ERCC3: variants seen among roughly 807,000 people sequenced by gnomAD.
ERCC3 encodes general transcription and DNA repair factor IIH helicase/translocase subunit XPB.
Under a neutral mutation model 94.2 loss-of-function variants are expected in ERCC3, and 66 were observed. That is an observed-to-expected ratio of 0.70 (90% CI 0.57 to 0.86). The LOEUF is 0.86. ERCC3 is among the 40% of genes least tolerant of loss of function. The pLI, the probability that ERCC3 is intolerant of heterozygous loss-of-function variation, is 0.00. For missense variants in ERCC3, 829 were observed against 987.1 expected (o/e 0.84, Z 2.15); for synonymous variants, 349 against 369.1 (o/e 0.95, Z 0.63).
chr2:127,287,331 T>C (rs932166037), intron 7 of ERCC3, among the ~76,000 whole-genome samples: 2 of 152,048 alleles, frequency 1.3e-5, no homozygotes, highest in African/African-American at 2.4e-5. Flanking sequence ...ATTTTAAAGA[T>C]AGAAAAACCT....
Position 127,271,983 on chromosome 2 carries a change from C to A in ERCC3, c.1828-530G>T, listed in dbSNP as rs139855350. 2.7e-5 allele frequency among the ~76,000 whole-genome samples: 4 copies of A among 150,668 alleles called. No homozygotes were observed. In the East Asian group the frequency reaches 7.8e-4, roughly 29 times the overall value. On this transcript the variant is annotated intron_variant, in intron 11 of 14. Coordinates refer to ENST00000285398, the MANE Select transcript of ERCC3 (RefSeq NM_000122.2). The surrounding 1 kb of genome is among the most constrained non-coding windows in gnomAD (Gnocchi z 5.0). ...AGGTTTGGTGCTTATAAGCGCCCAG[C>A]CACAATCACATAAAATCTCATTTCT...
At chr2:127,272,799 C>T in intron 11 of ERCC3, 66 bp downstream of exon 11, 2 of 971,406 alleles carry the variant, frequency 2.1e-6, no homozygotes, top group East Asian at 2.4e-5. Flanking sequence ...GTCCAGGAAT[C>T]ATAGTGTACC....
intron 7 of ERCC3, 97 bp from the exon 8 acceptor site, chr2:127,287,114 G>A (rs1238500347): frequency 1.1e-6 from 1 of 929,058 alleles, no homozygotes; most frequent in African/African-American, 1.6e-5. Flanking sequence ...CTAGGAAAAT[G>A]TCTTGTAACA....
At chr2:127,287,341 T>C (rs1050647808) in intron 7 of ERCC3, among the ~76,000 whole-genome samples, 1 of 152,080 alleles carries the variant, frequency 6.6e-6, no homozygotes, top group African/African-American at 2.4e-5. Flanking sequence ...TAGAAAAACC[T>C]GGCTGAGCCA....
At chr2:127,266,943 C>T (rs944787312) in intron 12 of ERCC3, among the ~76,000 whole-genome samples, 2 of 152,042 alleles carry the variant, frequency 1.3e-5, no homozygotes, top group Non-Finnish European at 2.9e-5. Flanking sequence ...TGCAAACTCC[C>T]GAGCTCAGGC....
Position 127,274,138 on chromosome 2 carries a change from A to AC in ERCC3, c.1731-1178dup, listed in dbSNP as rs1417689006. Among the ~76,000 whole-genome samples, 19 of 151,934 alleles carry AC rather than the reference A, an allele frequency of 1.3e-4. No homozygotes were observed. Among genetic ancestry groups the AC allele is most frequent in the African/African-American group, 2.9e-4 (12 of 41,422 alleles). Reference sequence around the variant, plus strand: ...AGACCAGCCTGGCCAACATGGTGAGACCCCATCTCTACTAAAAATAAAAAA... The same window carrying AC: ...AGACCAGCCTGGCCAACATGGTGAGACCCCCATCTCTACTAAAAATAAAAAA... On this transcript the variant is annotated intron_variant, in intron 10 of 14. Coordinates refer to ENST00000285398, the MANE Select transcript of ERCC3 (RefSeq NM_000122.2). The surrounding 1 kb of genome is among the most constrained non-coding windows in gnomAD (Gnocchi z 4.0).
At chr2:127,272,735 ATG>A (rs1449256582) in intron 11 of ERCC3, 128 bp downstream of exon 11, 6 of 700,274 alleles carry the variant, frequency 8.6e-6, no homozygotes, top group African/African-American at 7.0e-5. Flanking sequence ...ATCCCTGGAC[ATG>A]TCGGAAATGA....
Position 127,264,511 on chromosome 2 carries a change from T to C in ERCC3, c.1946-3165A>G, listed in dbSNP as rs1684294249. 6.6e-6 allele frequency among the ~76,000 whole-genome samples: 1 copy of C among 152,218 alleles called. No individual in the cohort carries two copies. The highest frequency in any genetic ancestry group is 1.5e-5 in the Non-Finnish European group (1 of 68,030). ...TTCTGTGTCTATTAGGATAATTATA[T>C]GCTTTTCATTTTTAATTATGTGGTG... On this transcript the variant is annotated intron_variant, in intron 12 of 14. Coordinates refer to ENST00000285398, the MANE Select transcript of ERCC3 (RefSeq NM_000122.2). This position sits in a 1 kb window ranked among gnomAD's most constrained non-coding sequence, Gnocchi z 4.4.
chr2:127,289,356 ACTGT>A lies in ERCC3; in HGVS notation c.799_802del (p.Thr267CysfsTer9), dbSNP rs1356873013. The A allele has an allele frequency of 3.1e-6, 5 of 1,613,632 alleles. No homozygotes were observed. The highest frequency in any genetic ancestry group is 4.2e-6 in the Non-Finnish European group (5 of 1,180,022). ...ACTAACCTGCTTGACTTCAAAAGACACTGTCTGTGTCTCTTCTTCTTCTTCTTCA... is the reference window on the plus strand; with the variant it reads ...ACTAACCTGCTTGACTTCAAAAGACACTGTGTCTCTTCTTCTTCTTCTTCA... On this transcript the variant is annotated frameshift_variant, in exon 6 of 15. Coordinates refer to ENST00000285398, the MANE Select transcript of ERCC3 (RefSeq NM_000122.2). LOFTEE classifies it high-confidence loss of function.
At chr2:127,283,311 A>G (rs1282073079) in intron 8 of ERCC3, among the ~76,000 whole-genome samples, 1 of 152,024 alleles carries the variant, frequency 6.6e-6, no homozygotes, top group Non-Finnish European at 1.5e-5. Context: ...GGCCAGCACT[A>G]TACTGTCGTT....
chr2:127,258,675 A>T lies in ERCC3; in HGVS notation c.2217+621T>A, dbSNP rs139010029. ...TTTCAAACGCACCTGACTGAAGTGC[A>T]CTTCTCCCCTTGGACAGGCCTGCTA... On this transcript the variant is annotated intron_variant, in intron 14 of 14. Transcript: ENST00000285398. The surrounding 1 kb of genome is among the most constrained non-coding windows in gnomAD (Gnocchi z 4.1). Among the ~76,000 whole-genome samples, 3 of 152,216 alleles carry T rather than the reference A, an allele frequency of 2.0e-5. No individual in the cohort carries two copies. Among genetic ancestry groups the T allele is most frequent in the Non-Finnish European group, 4.4e-5 (3 of 68,034 alleles).
chr2:127,289,914 C>A, intron 4 of ERCC3, 90 bp from the exon 5 acceptor site: 1 of 1,452,424 alleles, frequency 6.9e-7, no homozygotes, highest in Non-Finnish European at 9.6e-7. Context: ...TCTGGAAATA[C>A]AAGCCTCATG....
rs966190067 is a variant in ERCC3 at position 127,280,062 on chromosome 2, C to A, written c.1527+385G>T. On this transcript the variant is annotated intron_variant, in intron 9 of 14. Coordinates refer to ENST00000285398, the MANE Select transcript of ERCC3 (RefSeq NM_000122.2). The surrounding 1 kb of genome is among the most constrained non-coding windows in gnomAD (Gnocchi z 6.3). Reference sequence around the variant, plus strand: ...ACACACTTCCCAGCAGGGCTGGGAGCATATCAGTTAGGCGCTTGGGGCTAT... The same window carrying A: ...ACACACTTCCCAGCAGGGCTGGGAGAATATCAGTTAGGCGCTTGGGGCTAT... 1.3e-5 allele frequency among the ~76,000 whole-genome samples: 2 copies of A among 152,148 alleles called. No homozygotes were observed. Among genetic ancestry groups the A allele is most frequent in the Non-Finnish European group, 2.9e-5 (2 of 68,036 alleles).
chr2:127,266,333 C>CTTTTT lies in ERCC3; in HGVS notation c.1946-4992_1946-4988dup, dbSNP rs58029182. ...TTCGACTTTTTTGAATTTATTGAGTCTTTTTTTTTTTTTTTTTTTTTTGAG... is the reference window on the plus strand; with the variant it reads ...TTCGACTTTTTTGAATTTATTGAGTCTTTTTTTTTTTTTTTTTTTTTTTTTTTGAG... On this transcript the variant is annotated intron_variant, in intron 12 of 14. Transcript: ENST00000285398. 1.1e-3 allele frequency among the ~76,000 whole-genome samples: 127 copies of CTTTTT among 111,348 alleles called. 5 individuals are homozygous for CTTTTT. Among genetic ancestry groups the CTTTTT allele is most frequent in the African/African-American group, 4.7e-3 (118 of 25,020 alleles). 73.0% of individuals were successfully genotyped at this position (111,348 alleles called of 152,430 possible).
At chr2:127,286,154 G>A (rs575476233) in intron 8 of ERCC3, among the ~76,000 whole-genome samples, 4 of 152,262 alleles carry the variant, frequency 2.6e-5, no homozygotes, top group Admixed American at 2.6e-4. Flanking sequence ...ATGAAGCTGA[G>A]CAGCAAAAGG....
rs761879482 is a variant in ERCC3 at position 127,280,663 on chromosome 2, A to G, written c.1343-32T>C. 6.4e-7 allele frequency: 1 copy of G among 1,566,774 alleles called. No individual in the cohort carries two copies. The highest frequency in any genetic ancestry group is 8.8e-7 in the Non-Finnish European group (1 of 1,138,896). On this transcript the variant is annotated intron_variant, in intron 8 of 14. Coordinates refer to ENST00000285398, the MANE Select transcript of ERCC3 (RefSeq NM_000122.2). This position sits in a 1 kb window ranked among gnomAD's most constrained non-coding sequence, Gnocchi z 6.3. ...AAACAATGGGAGCATTCACACTGTC[A>G]CTTTTCTTTCTTATTTTTTATTTAT...
In ERCC3 at chr2:127,264,755, T is replaced by C. The variant is rs1684303411; in HGVS notation, c.1946-3409A>G. Among the ~76,000 whole-genome samples, 1 of 152,194 alleles carries C rather than the reference T, an allele frequency of 6.6e-6. No individual in the cohort carries two copies. The highest frequency in any genetic ancestry group is 2.1e-4 in the South Asian group (1 of 4,828). On this transcript the variant is annotated intron_variant, in intron 12 of 14. Coordinates refer to ENST00000285398, the MANE Select transcript of ERCC3 (RefSeq NM_000122.2). This position sits in a 1 kb window ranked among gnomAD's most constrained non-coding sequence, Gnocchi z 4.4. ...TATCAGGATGATAGTGGTTTCGTAGTATGAGTTAGGAAGAAGTCTCTCCTC... is the reference window on the plus strand; with the variant it reads ...TATCAGGATGATAGTGGTTTCGTAGCATGAGTTAGGAAGAAGTCTCTCCTC...
At position 127,271,428 on chromosome 2, in the gene ERCC3, G is replaced by A. The variant is rs1385827451; in HGVS notation, c.1853C>T (p.Pro618Leu). 1.9e-6 allele frequency: 3 copies of A among 1,613,978 alleles called. No homozygotes were observed. Among genetic ancestry groups the A allele is most frequent in the East Asian group, 2.2e-5 (1 of 44,878 alleles). ...SKVGDTSFDL[P>L]EANVLIQISS... ...GATCTGAATGAGGACATTTGCTTCCGGCAGATCAAACGAAGTGTCACCTAC... is the reference window on the plus strand; with the variant it reads ...GATCTGAATGAGGACATTTGCTTCCAGCAGATCAAACGAAGTGTCACCTAC... Residue 618 changes from proline (P) to leucine (L), a missense_variant, in exon 12 of 15, where the codon CCG (proline) becomes CTG (leucine). By Grantham distance (98) the Pro-to-Leu change is moderately conservative. Transcript: ENST00000285398. This position sits in a 1 kb window ranked among gnomAD's most constrained non-coding sequence, Gnocchi z 5.0.
Position 127,272,806 on chromosome 2 carries a change from T to A in ERCC3, c.1827+59A>T. On this transcript the variant is annotated intron_variant, in intron 11 of 14. Coordinates refer to ENST00000285398, the MANE Select transcript of ERCC3 (RefSeq NM_000122.2). ...AATTCACTGTCCAGGAATCATAGTG[T>A]ACCCCCCAGGTCCCCAGAGTGCTAG... is the stretch of plus-strand genomic sequence containing the variant. 5 of 1,019,378 alleles carry A rather than the reference T, an allele frequency of 4.9e-6. 1 individual carries two copies. The South Asian group carries it at 6.3e-5, about 13-fold the overall frequency. 63.1% of individuals were successfully genotyped at this position (1,019,378 alleles called of 1,614,324 possible).
Sources: gnomAD v4.1 joint callset for allele counts (sites outside exome capture counted in the v4.1 genomes callset) on GRCh38, gnomAD v4.1.1 for gene constraint, Gnocchi (gnomAD v3.1) non-coding constraint, MANE v1.5 for transcripts, NCBI Gene and HGNC (gene_info 2026-07-23, HGNC 2026-07-21) for gene names.